Variants in GFRAL observed in about 807,000 individuals in gnomAD.
GFRAL encodes GDNF family receptor alpha-like.
Under a neutral mutation model 45.4 loss-of-function variants are expected in GFRAL, and 36 were observed. The ratio of observed to expected loss-of-function variants is 0.79; its 90% CI spans 0.61 to 1.05. The LOEUF (loss-of-function observed/expected upper bound fraction) is 1.05, where lower values mean the gene tolerates loss of function less well. Among genes scored for constraint, GFRAL ranks in the 50% least tolerant of loss-of-function variants. The pLI, the probability that GFRAL is intolerant of heterozygous loss-of-function variation, is 0.00. For missense variants in GFRAL, 507 were observed against 467.5 expected (o/e 1.08, Z -0.78); for synonymous variants, 166 against 154.1 (o/e 1.08, Z -0.57).
intron 6 of GFRAL, among the ~76,000 whole-genome samples, chr6:55,397,521 T>G: frequency 5.5e-5 from 2 of 36,590 alleles, no homozygotes; most frequent in African/African-American, 1.1e-4. Context: ...CGAGACTCCG[T>G]CTCAAAAAAA....
At chr6:55,389,599 G>A (rs1768722437) in intron 6 of GFRAL, among the ~76,000 whole-genome samples, 1 of 152,032 alleles carries the variant, frequency 6.6e-6, no homozygotes, top group African/African-American at 2.4e-5. Flanking sequence ...ATAGAAAACT[G>A]GAGCATCAAT....
intron 6 of GFRAL, among the ~76,000 whole-genome samples, chr6:55,359,615 G>T (rs1303488264): frequency 6.6e-6 from 1 of 152,040 alleles, no homozygotes; most frequent in East Asian, 1.9e-4. Context: ...GGTATCTTTA[G>T]GCTCGGCTGA....
intron 3 of GFRAL, among the ~76,000 whole-genome samples, chr6:55,348,214 A>T (rs955031922): frequency 6.3e-5 from 9 of 141,894 alleles, no homozygotes; most frequent in Non-Finnish European, 1.1e-4. Context: ...GCCACTGTTT[A>T]AAATATCCTC....
chr6:55,397,290 G>A lies in GFRAL; in HGVS notation c.953-1890G>A, dbSNP rs1199836255. The stretch of plus-strand genomic sequence containing the variant: ...TCCCAGCACTTTGGGAGGCCGAGGC[G>A]GGTGGATCATGAGGTCAGGAGATCG... On this transcript the variant is annotated intron_variant, in intron 6 of 8. Coordinates refer to ENST00000340465, the MANE Select transcript of GFRAL (RefSeq NM_207410.2). 2.9e-5 allele frequency among the ~76,000 whole-genome samples: 4 copies of A among 139,000 alleles called. No individual in the cohort carries two copies. In the East Asian group the frequency reaches 5.9e-4, roughly 20 times the overall value. 91.2% of individuals were successfully genotyped at this position (139,000 alleles called of 152,430 possible). A position where few individuals can be genotyped will look rare whatever the true frequency, so the allele number is the denominator to read the frequency against.
intron 3 of GFRAL, among the ~76,000 whole-genome samples, chr6:55,334,449 G>A (rs191141461): frequency 3.5e-4 from 54 of 152,264 alleles, no homozygotes; most frequent in Admixed American, 4.6e-4. Context: ...CTGGAGTAGG[G>A]GTGATCAGTT....
In GFRAL at chr6:55,331,831, G is replaced by T; in HGVS notation, c.139G>T (p.Asp47Tyr). Residue 47 changes from aspartate to tyrosine, a missense_variant, in exon 2 of 9, where the codon GAT becomes TAT. Transcript: ENST00000340465. ...GCKHAWRVME[D>Y]ACNDSDPGDP... ...TAAACATGCTTGGAGAGTAATGGAA[G>T]ATGCCTGCAATGATTCAGGTAAACA... is the stretch of plus-strand genomic sequence containing the variant. 1.2e-6 allele frequency: 2 copies of T among 1,610,262 alleles called. No individual in the cohort carries two copies. The highest frequency in any genetic ancestry group is 1.7e-6 in the Non-Finnish European group (2 of 1,178,590).
At chr6:55,350,291 T>A in intron 4 of GFRAL, 146 bp downstream of exon 4, 2 of 577,668 alleles carry the variant, frequency 3.5e-6, no homozygotes, top group Non-Finnish European at 6.1e-6. Context: ...GCAAAATCAT[T>A]TCATTTCTTT....
chr6:55,356,995 T>C (rs1295652681), intron 5 of GFRAL, among the ~76,000 whole-genome samples: 1 of 151,924 alleles, frequency 6.6e-6, no homozygotes, highest in East Asian at 1.9e-4. Flanking sequence ...TGTATTTGTA[T>C]AGTTTTCAAA....
At chr6:55,346,807 T>A (rs1768048171) in intron 3 of GFRAL, among the ~76,000 whole-genome samples, 6 of 112,948 alleles carry the variant, frequency 5.3e-5, no homozygotes, top group Admixed American at 9.7e-5. Flanking sequence ...AACCTAGATA[T>A]CAGTACAAAA....
chr6:55,376,680 C>G (rs1768539337), intron 6 of GFRAL, among the ~76,000 whole-genome samples: 1 of 151,860 alleles, frequency 6.6e-6, no homozygotes, highest in Admixed American at 6.6e-5. Flanking sequence ...TCTCTGGGGT[C>G]AGTGGTGATA....
rs543453068 is a variant in GFRAL, at chr6:55,401,987, C to CT, written c.*140dup. 6.4e-4 allele frequency: 376 copies of CT among 584,448 alleles called. 2 individuals carry two copies. The highest frequency in any genetic ancestry group is 2.4e-3 in the Middle Eastern group (7 of 2,884). The allele number at this position is 584,448 out of a possible 1,614,324, so 36.2% of individuals were successfully genotyped here. On this transcript the variant is annotated 3_prime_UTR_variant, in exon 9 of 9. Transcript: ENST00000340465. Reference sequence around the variant, plus strand: ...CTCTGTTTCTTTTTCTTTTTCTTTTCTTTTTTGTGGCGGAGTTTTGCTCTT... The same window carrying CT: ...CTCTGTTTCTTTTTCTTTTTCTTTTCTTTTTTTGTGGCGGAGTTTTGCTCTT...
In GFRAL at chr6:55,330,932, A is replaced by T. The variant is rs541497284; in HGVS notation, c.23-783A>T. Among the ~76,000 whole-genome samples the T allele has an allele frequency of 1.4e-4, 21 of 152,296 alleles. No individual in the cohort carries two copies. The South Asian group carries it at 4.3e-3, about 32-fold the overall frequency. ...TTGAGGATGGAAAATAGTCTACCAC[A>T]AAACCAAGATTTCTAGTTTGAGTTC... On this transcript the variant is annotated intron_variant, in intron 1 of 8. Transcript: ENST00000340465.
At chr6:55,394,088 A>G (rs1768790855) in intron 6 of GFRAL, among the ~76,000 whole-genome samples, 1 of 152,194 alleles carries the variant, frequency 6.6e-6, no homozygotes, top group Non-Finnish European at 1.5e-5. Context: ...AAGGGAAAAA[A>G]TCTAGGATAA....
At chr6:55,362,795 C>T (rs9475263) in intron 6 of GFRAL, among the ~76,000 whole-genome samples, 17,057 of 151,318 alleles carry the variant, frequency 0.11, 1,049 homozygotes, top group African/African-American at 0.16. Context: ...ATATGAAATA[C>T]CACCATTCTG....
intron 6 of GFRAL, among the ~76,000 whole-genome samples, chr6:55,397,735 C>T (rs73744260): frequency 0.024 from 3,622 of 152,086 alleles, 152 homozygotes; most frequent in African/African-American, 0.082. Flanking sequence ...TCTTGGCTCC[C>T]AATAAGCTGT....
At chr6:55,363,652 T>C (rs1346419833) in intron 6 of GFRAL, among the ~76,000 whole-genome samples, 1 of 141,112 alleles carries the variant, frequency 7.1e-6, no homozygotes, top group Non-Finnish European at 1.5e-5. Context: ...GTGATCTCAC[T>C]GTTCAATTCC....
intron 6 of GFRAL, among the ~76,000 whole-genome samples, chr6:55,383,256 T>C (rs748920613): frequency 6.6e-6 from 1 of 151,776 alleles, no homozygotes; most frequent in African/African-American, 2.4e-5. Flanking sequence ...AGCAATTACC[T>C]CTAAGGATCA....
rs1768110838 is a variant in GFRAL at position 55,351,180 on chromosome 6, C to T, written c.371-73C>T. 3.8e-6 allele frequency: 4 copies of T among 1,052,104 alleles called. No individual in the cohort carries two copies. In the South Asian group the frequency reaches 4.7e-5, roughly 12 times the overall value. The allele number at this position is 1,052,104 out of a possible 1,614,324, so 65.2% of individuals were successfully genotyped here. ...TTGTATTTTGCTCATAGACTTCTCA[C>T]AGTGTTTTATAGTTTCTGTATGTAC... On this transcript the variant is annotated intron_variant, in intron 4 of 8. Coordinates refer to ENST00000340465, the MANE Select transcript of GFRAL (RefSeq NM_207410.2).
intron 2 of GFRAL, among the ~76,000 whole-genome samples, chr6:55,332,966 T>G (rs1045215608): frequency 2.0e-5 from 3 of 152,094 alleles, no homozygotes; most frequent in African/African-American, 4.8e-5. Context: ...GTATAATCTA[T>G]CTACAGTATA....
Sources: gnomAD v4.1 joint callset for allele counts (sites outside exome capture counted in the v4.1 genomes callset) on GRCh38, gnomAD v4.1.1 for gene constraint, MANE v1.5 for transcripts, NCBI Gene and HGNC (gene_info 2026-07-23, HGNC 2026-07-21) for gene names.